SHMT1: variants seen among roughly 807,000 people sequenced by gnomAD.
The protein encoded by SHMT1 is serine hydroxymethyltransferase 1, also known as serine hydroxymethyltransferase, cytosolic.
In SHMT1, 45 loss-of-function variants were observed where a neutral mutation model predicts 49.0. That is an observed-to-expected ratio of 0.92 (90% CI 0.72 to 1.18). The LOEUF is 1.18. SHMT1 is among the 50% of genes most tolerant of loss of function. The pLI is 0.00. For synonymous variants in SHMT1, 232 were observed against 246.6 expected (o/e 0.94, Z 0.55); for missense variants, 541 against 612.4 (o/e 0.88, Z 1.23).
chr17:18,351,939 G>A (rs572102729), intron 3 of SHMT1, among the ~76,000 whole-genome samples: 7 of 152,122 alleles, frequency 4.6e-5, no homozygotes, highest in Admixed American at 3.9e-4. Context: ...TTGATCTCCT[G>A]GGCTCAAGCG....
chr17:18,333,341 T>A, intron 8 of SHMT1, 53 bp from the exon 9 acceptor site: 1 of 1,587,556 alleles, frequency 6.3e-7, no homozygotes. Flanking sequence ...CATACACAGA[T>A]GATGAGTCAA....
chr17:18,335,356 C>T (rs1227395992), intron 8 of SHMT1, among the ~76,000 whole-genome samples: 2 of 152,252 alleles, frequency 1.3e-5, no homozygotes, highest in Non-Finnish European at 2.9e-5. Flanking sequence ...CTCTGGGTGG[C>T]CGTACACGTG....
chr17:18,330,610 C>T lies in SHMT1; in HGVS notation c.1116G>A (p.Arg372=), dbSNP rs899014241. ...DLRSKGTDGG[R]AEKVLEACSI... Reference sequence around the variant, plus strand: ...AACAGGCTTCTAGCACCTTCTCAGCCCTTCCACCATCTGTGCCTTTGGAAC... The same window carrying T: ...AACAGGCTTCTAGCACCTTCTCAGCTCTTCCACCATCTGTGCCTTTGGAAC... Residue 372 remains arginine, a synonymous_variant, in exon 10 of 12, where the codon AGG becomes AGA. Transcript: ENST00000316694. 1.2e-6 allele frequency: 2 copies of T among 1,614,096 alleles called. No homozygotes were observed. The highest frequency in any genetic ancestry group is 2.7e-5 in the African/African-American group (2 of 74,934).
intron 1 of SHMT1, among the ~76,000 whole-genome samples, chr17:18,361,797 A>G (rs1344803210): frequency 6.6e-6 from 1 of 152,216 alleles, no homozygotes; most frequent in African/African-American, 2.4e-5. Context: ...AAAAAAAAAA[A>G]AAAGAAAATT....
intron 7 of SHMT1, 26 bp from the exon 8 acceptor site, chr17:18,335,701 G>T: frequency 6.8e-7 from 1 of 1,462,406 alleles, no homozygotes; most frequent in Non-Finnish European, 9.6e-7. Context: ...CATCACAGTG[G>T]GATCATAGGG....
At position 18,336,447 on chromosome 17, in the gene SHMT1, A is replaced by G. The variant is rs537474828; in HGVS notation, c.815-772T>C. Among the ~76,000 whole-genome samples the G allele has an allele frequency of 5.3e-5, 8 of 150,324 alleles. No homozygotes were observed. In the East Asian group the frequency reaches 1.4e-3, roughly 26 times the overall value. The stretch of plus-strand genomic sequence containing the variant: ...TTGGGAGGCTGAGGCAGGTGGATCA[A>G]TTAAGGTCAGGAGTTCAAGACCAGC... On this transcript the variant is annotated intron_variant, in intron 7 of 11. Transcript: ENST00000316694.
intron 1 of SHMT1, among the ~76,000 whole-genome samples, chr17:18,359,321 T>C (rs961659373): frequency 5.3e-5 from 8 of 151,338 alleles, no homozygotes; most frequent in Admixed American, 4.6e-4. Flanking sequence ...GGAGGATCCT[T>C]TGAGCCTAGG....
chr17:18,329,855 AT>A (rs773046746), intron 10 of SHMT1, among the ~76,000 whole-genome samples: 8 of 151,916 alleles, frequency 5.3e-5, no homozygotes, highest in Non-Finnish European at 8.8e-5. Context: ...CCCCCGCTCC[AT>A]TTTTTGTTTT....
intron 7 of SHMT1, among the ~76,000 whole-genome samples, chr17:18,338,198 G>T (rs1161465756): frequency 7.0e-6 from 1 of 143,878 alleles, no homozygotes; most frequent in Non-Finnish European, 1.5e-5. Context: ...CGTCTGGGAT[G>T]TGAGGAGCAC....
intron 5 of SHMT1, among the ~76,000 whole-genome samples, chr17:18,346,445 C>T (rs1019818489): frequency 1.8e-4 from 27 of 152,260 alleles, no homozygotes; most frequent in African/African-American, 4.8e-4. Context: ...ACTGTTTATA[C>T]AGACGGGTCC....
intron 3 of SHMT1, among the ~76,000 whole-genome samples, chr17:18,349,892 C>G (rs1321023465): frequency 6.6e-6 from 1 of 151,662 alleles, no homozygotes; most frequent in Non-Finnish European, 1.5e-5. Context: ...TGGTGGTGCA[C>G]GCCTGTATTC....
At chr17:18,329,948 G>T (rs1004754092) in intron 10 of SHMT1, among the ~76,000 whole-genome samples, 6 of 152,174 alleles carry the variant, frequency 3.9e-5, no homozygotes, top group Non-Finnish European at 7.4e-5. Context: ...TGCAGCCTCT[G>T]CCTCCTGGGT....
chr17:18,353,414 C>A (rs1331529586), intron 3 of SHMT1: 2 of 497,194 alleles, frequency 4.0e-6, no homozygotes, highest in Non-Finnish European at 7.3e-6. Context: ...TGGCTCAATA[C>A]TCCTTACAAA....
chr17:18,345,272 T>A (rs75161075), intron 5 of SHMT1, among the ~76,000 whole-genome samples: 3 of 152,180 alleles, frequency 2.0e-5, no homozygotes, highest in Admixed American at 6.5e-5. Context: ...TCTTTTTTTT[T>A]CTGGAGATGG....
At position 18,348,586 on chromosome 17, in the gene SHMT1, C is replaced by A. The variant is rs374556820; in HGVS notation, c.243-146G>T. The A allele has an allele frequency of 7.2e-5, 54 of 747,698 alleles. 1 individual carries two copies. The highest frequency in any genetic ancestry group is 6.5e-4 in the South Asian group (48 of 73,620). 46.3% of individuals were successfully genotyped at this position (747,698 alleles called of 1,614,324 possible). On this transcript the variant is annotated intron_variant, in intron 3 of 11. Coordinates refer to ENST00000316694, the MANE Select transcript of SHMT1 (RefSeq NM_004169.5). ...GCTTGTTAACATGCAGATGCTGAAG[C>A]CAGCATGATCAAGTGTTCCACCAAT...
chr17:18,340,734 G>A lies in SHMT1; in HGVS notation c.599C>T (p.Ala200Val), dbSNP rs1984410957. ...ARLFHPKLII[A>V]GTSCYSRNLE... ...TGACTTTCCGCCCCGCGCATCACCT[G>A]CGATGATCAGCTTCGGGTGGAAGAG... Residue 200 changes from alanine (A) to valine (V), a missense_variant and splice_region_variant, in exon 6 of 12, where the codon GCA becomes GTA. Coordinates refer to ENST00000316694, the MANE Select transcript of SHMT1 (RefSeq NM_004169.5). This position sits in a 1 kb window ranked among gnomAD's most constrained non-coding sequence, Gnocchi z 4.5. 2 of 1,611,564 alleles carry A rather than the reference G, an allele frequency of 1.2e-6. No individual in the cohort carries two copies.
At chr17:18,355,821 T>TAATTACAAAACTAATTGTAATTAATTAC (rs1986184376) in intron 2 of SHMT1, 65 bp downstream of exon 2, 3 of 987,158 alleles carry the variant, frequency 3.0e-6, no homozygotes, top group Non-Finnish European at 4.9e-6. Flanking sequence ...AATTTGTAAT[T>TAATTACAAAACTAATTGTAATTAATTAC]AGAACTAAAG....
At position 18,348,321 on chromosome 17, in the gene SHMT1, G is replaced by A. The variant is rs909260915; in HGVS notation, c.358+4C>T. On this transcript the variant is annotated splice_donor_region_variant and intron_variant, in intron 4 of 11. Transcript: ENST00000316694. Reference sequence around the variant, plus strand: ...GCACCAGGCCATATGGATGAGACAAGCACCTGAGTAGGGCTGGACGTTGAC... The same window carrying A: ...GCACCAGGCCATATGGATGAGACAAACACCTGAGTAGGGCTGGACGTTGAC... The A allele has an allele frequency of 1.3e-6, 2 of 1,592,342 alleles. No homozygotes were observed. Among genetic ancestry groups the A allele is most frequent in the Non-Finnish European group, 1.7e-6 (2 of 1,160,384 alleles).
In SHMT1 at chr17:18,348,462, CTT is replaced by C. The variant is rs745492157; in HGVS notation, c.243-24_243-23del. Reference sequence around the variant, plus strand: ...GTATCTGTGGGAGAAGAGCAGGAGACTTAGATCCACTCAGACCCAGAAAGTCT... The same window carrying C: ...GTATCTGTGGGAGAAGAGCAGGAGACAGATCCACTCAGACCCAGAAAGTCT... On this transcript the variant is annotated intron_variant, in intron 3 of 11. Transcript: ENST00000316694. 6 of 1,537,930 alleles carry C rather than the reference CTT, an allele frequency of 3.9e-6. No homozygotes were observed. The African/African-American group carries it at 8.2e-5, about 21-fold the overall frequency.
Sources: gnomAD v4.1 joint callset for allele counts (sites outside exome capture counted in the v4.1 genomes callset) on GRCh38, gnomAD v4.1.1 for gene constraint, Gnocchi (gnomAD v3.1) non-coding constraint, MANE v1.5 for transcripts, NCBI Gene and HGNC (gene_info 2026-07-23, HGNC 2026-07-21) for gene names.